The following CBLN4 variants were observed in gnomAD, a reference collection of about 807,000 sequenced individuals.
CBLN4 encodes the protein cerebellin 4 precursor.
Under a neutral mutation model 14.9 loss-of-function variants are expected in CBLN4, and 7 were observed. The ratio of observed to expected loss-of-function variants is 0.47; its 90% CI spans 0.27 to 0.88. The LOEUF (loss-of-function observed/expected upper bound fraction) is 0.88, where lower values mean the gene tolerates loss of function less well. Ranked by LOEUF, CBLN4 falls within the 40% of genes least tolerant of loss-of-function variation. The pLI is 0.14. For missense variants in CBLN4, 188 were observed against 256.8 expected, an observed-to-expected ratio of 0.73 and a Z score of 1.83; for synonymous variants, 131 against 116.5, an observed-to-expected ratio of 1.12 and a Z score of -0.80.
chr20:56,004,274 G>C lies in CBLN4; in HGVS notation c.-103C>G. The C allele has an allele frequency of 3.3e-6, 4 of 1,225,488 alleles. No individual in the cohort carries two copies. The highest frequency in any genetic ancestry group is 3.0e-5 in the East Asian group (1 of 32,962). 75.9% of individuals were successfully genotyped at this position (1,225,488 alleles called of 1,614,324 possible). A position where few individuals can be genotyped will look rare whatever the true frequency, so the allele number is the denominator to read the frequency against. The stretch of plus-strand genomic sequence containing the variant: ...TCGGGAAGATGCTAGCGGCTAGGTC[G>C]ACAGCGCTGCAGGAGCGACGGCGGC... On this transcript the variant is annotated 5_prime_UTR_variant, in exon 1 of 3. Coordinates refer to ENST00000064571, the MANE Select transcript of CBLN4 (RefSeq NM_080617.6). This position sits in a 1 kb window ranked among gnomAD's most constrained non-coding sequence, Gnocchi z 6.1.
chr20:55,999,979 C>T (rs946890749), intron 2 of CBLN4, among the ~76,000 whole-genome samples: 2 of 152,284 alleles, frequency 1.3e-5, no homozygotes, highest in South Asian at 4.2e-4. Context: ...ATCTATCATT[C>T]ATATTGACAT....
chr20:56,004,220 C>T lies in CBLN4; in HGVS notation c.-49G>A. Reference sequence around the variant, plus strand: ...GCCGGCTGGCGCTGGTGCTCGCCCGCGTCGCCTCCTACCCCGGGATCCCGG... The same window carrying T: ...GCCGGCTGGCGCTGGTGCTCGCCCGTGTCGCCTCCTACCCCGGGATCCCGG... On this transcript the variant is annotated 5_prime_UTR_variant, in exon 1 of 3. Transcript: ENST00000064571. The surrounding 1 kb of genome is among the most constrained non-coding windows in gnomAD (Gnocchi z 6.1). 7.3e-7 allele frequency: 1 copy of T among 1,365,754 alleles called. No individual in the cohort carries two copies. Among genetic ancestry groups the T allele is most frequent in the Non-Finnish European group, 9.4e-7 (1 of 1,065,768 alleles). The allele number at this position is 1,365,754 out of a possible 1,614,324, so 84.6% of individuals were successfully genotyped here. A position where few individuals can be genotyped will look rare whatever the true frequency, so the allele number is the denominator to read the frequency against.
Position 56,004,131 on chromosome 20 carries a change from A to G in CBLN4, c.41T>C (p.Val14Ala). The stretch of plus-strand genomic sequence containing the variant: ...CCCCGGCAGCGTGAGGACCAGCAGC[A>G]CGGCCGGCACCGCGGACAGCGCCCG... ...GRRALSAVPA[V>A]LLVLTLPGLP... Residue 14 changes from valine to alanine, a missense_variant, in exon 1 of 3, where the codon GTG (valine) becomes GCG (alanine). Val to Ala is a moderately conservative substitution (Grantham distance 64, BLOSUM62 0). This residue lies in a region of CBLN4 where 95 missense variants were observed against 99.2 expected (regional missense o/e 0.96). Coordinates refer to ENST00000064571, the MANE Select transcript of CBLN4 (RefSeq NM_080617.6). This position sits in a 1 kb window ranked among gnomAD's most constrained non-coding sequence, Gnocchi z 6.1. The G allele has an allele frequency of 6.3e-7, 1 of 1,582,656 alleles. No homozygotes were observed.
rs1462138910 is a variant in CBLN4, at chr20:56,003,251, T to C, written c.291+630A>G. Among the ~76,000 whole-genome samples the C allele has an allele frequency of 3.3e-5, 5 of 152,224 alleles. No homozygotes were observed. The East Asian group carries it at 9.7e-4, about 30-fold the overall frequency. ...CCCTCCTCCGCAACTTTTCTCTAAGTACCGGAGAAGGGCTTGCTGCCTACT... is the reference window on the plus strand; with the variant it reads ...CCCTCCTCCGCAACTTTTCTCTAAGCACCGGAGAAGGGCTTGCTGCCTACT... On this transcript the variant is annotated intron_variant, in intron 1 of 2. Transcript: ENST00000064571.
At chr20:56,000,629 C>A in intron 2 of CBLN4, 102 bp downstream of exon 2, 2 of 507,456 alleles carry the variant, frequency 3.9e-6, no homozygotes, top group South Asian at 1.2e-4. Context: ...CTGCTTATTT[C>A]TATTGTGGAA....
intron 1 of CBLN4, among the ~76,000 whole-genome samples, chr20:56,002,184 A>C (rs181334903): frequency 6.6e-6 from 1 of 152,314 alleles, no homozygotes; most frequent in Admixed American, 6.5e-5. Flanking sequence ...TTTCATTCTG[A>C]GATTTCGCCT....
rs145077427 is a variant in CBLN4 at position 56,002,462 on chromosome 20, G to A, written c.291+1419C>T. Among the ~76,000 whole-genome samples the A allele has an allele frequency of 4.9e-4, 75 of 152,306 alleles. 1 individual carries two copies. The highest frequency in any genetic ancestry group is 1.6e-3 in the African/African-American group (66 of 41,568). ...TGTAATTGGAGCATCCAGGTACATC[G>A]AGATTTATAACCAAATGTGTGTTCT... On this transcript the variant is annotated intron_variant, in intron 1 of 2. Coordinates refer to ENST00000064571, the MANE Select transcript of CBLN4 (RefSeq NM_080617.6).
chr20:56,000,702 G>A, intron 2 of CBLN4, 29 bp downstream of exon 2: 3 of 1,169,882 alleles, frequency 2.6e-6, no homozygotes, highest in Non-Finnish European at 2.4e-6. Context: ...TTGGTTGAGA[G>A]TATGGATGGA....
At chr20:56,003,623 G>A (rs950476941) in intron 1 of CBLN4, among the ~76,000 whole-genome samples, 6 of 152,148 alleles carry the variant, frequency 3.9e-5, no homozygotes, top group Non-Finnish European at 7.4e-5. Flanking sequence ...CTCGCTGCCG[G>A]GCTCTGGGCT....
Position 56,004,406 on chromosome 20 carries a change from C to CGAGAT in CBLN4, c.-236_-235insATCTC. ...GTCCTTTAAGGAGCTCATGCAGCACCCTTTACCCTACTCTCCTCCGCCCAA... is the reference window on the plus strand; with the variant it reads ...GTCCTTTAAGGAGCTCATGCAGCACCGAGATCTTTACCCTACTCTCCTCCGCCCAA... On this transcript the variant is annotated 5_prime_UTR_variant, in exon 1 of 3. It removes the in-frame stop codon of an upstream open reading frame in the 5' UTR. Coordinates refer to ENST00000064571, the MANE Select transcript of CBLN4 (RefSeq NM_080617.6). This position sits in a 1 kb window ranked among gnomAD's most constrained non-coding sequence, Gnocchi z 6.1. 1 of 458,862 alleles carries CGAGAT rather than the reference C, an allele frequency of 2.2e-6. No individual in the cohort carries two copies. Among genetic ancestry groups the CGAGAT allele is most frequent in the Non-Finnish European group, 3.8e-6 (1 of 266,274 alleles). 28.4% of individuals were successfully genotyped at this position (458,862 alleles called of 1,614,324 possible).
At chr20:56,003,407 G>A (rs1986407811) in intron 1 of CBLN4, among the ~76,000 whole-genome samples, 3 of 152,246 alleles carry the variant, frequency 2.0e-5, no homozygotes, top group South Asian at 4.1e-4. Flanking sequence ...GAAGCCCGGG[G>A]CTCTCTTGGG....
At position 55,998,569 on chromosome 20, in the gene CBLN4, C is replaced by T. The variant is rs1211728227; in HGVS notation, c.594G>A (p.Val198=). Residue 198 remains valine (V), a synonymous_variant, in exon 3 of 3, where the codon GTG becomes GTA. Transcript: ENST00000064571. ...WQYSTFSGFL[V]FPL ...GAGAAATTGAATCCTATAGGGGGAA[C>T]ACCAGAAAGCCAGAAAACGTGGAAT... 6.2e-7 allele frequency: 1 copy of T among 1,614,056 alleles called. No individual in the cohort carries two copies. Among genetic ancestry groups the T allele is most frequent in the Non-Finnish European group, 8.5e-7 (1 of 1,179,952 alleles).
At chr20:56,002,165 C>T (rs576360844) in intron 1 of CBLN4, among the ~76,000 whole-genome samples, 9 of 152,236 alleles carry the variant, frequency 5.9e-5, no homozygotes, top group South Asian at 2.1e-4. Flanking sequence ...AACACATGTA[C>T]GTGTATAATT....
Position 55,997,652 on chromosome 20 carries a change from G to T in CBLN4, c.*905C>A, listed in dbSNP as rs1429822106. On this transcript the variant is annotated 3_prime_UTR_variant, in exon 3 of 3. Coordinates refer to ENST00000064571, the MANE Select transcript of CBLN4 (RefSeq NM_080617.6). ...AAGCCTTGAAAAATAGGTATAATTA[G>T]AAACAACAGCATCCCACCACCAGTT... The T allele has an allele frequency of 6.6e-6, 1 of 150,646 alleles. No individual in the cohort carries two copies. The highest frequency in any genetic ancestry group is 6.6e-5 in the Admixed American group (1 of 15,164). The allele number at this position is 150,646 out of a possible 1,614,324, so 9.3% of individuals were successfully genotyped here.
At position 55,997,829 on chromosome 20, in the gene CBLN4, G is replaced by T. The variant is rs542826578; in HGVS notation, c.*728C>A. Reference sequence around the variant, plus strand: ...CTGAGGCTCAGGGATTGAGCACTTAGATTTTGGGTAAGCAACTTTTTCCTT... The same window carrying T: ...CTGAGGCTCAGGGATTGAGCACTTATATTTTGGGTAAGCAACTTTTTCCTT... On this transcript the variant is annotated 3_prime_UTR_variant, in exon 3 of 3. Transcript: ENST00000064571. The T allele has an allele frequency of 6.5e-6, 1 of 152,738 alleles. No homozygotes were observed. Among genetic ancestry groups the T allele is most frequent in the Non-Finnish European group, 1.5e-5 (1 of 68,012 alleles). The allele number at this position is 152,738 out of a possible 1,614,324, so 9.5% of individuals were successfully genotyped here.
chr20:56,003,708 G>A (rs1986413501), intron 1 of CBLN4, among the ~76,000 whole-genome samples, 173 bp downstream of exon 1: 1 of 152,198 alleles, frequency 6.6e-6, no homozygotes, highest in Admixed American at 6.5e-5. Flanking sequence ...GCTGGTGAGA[G>A]GGGTAGGAAG....
At position 56,000,844 on chromosome 20, in the gene CBLN4, G is replaced by T; in HGVS notation, c.295C>A (p.Leu99Met). The T allele has an allele frequency of 6.7e-7, 1 of 1,488,440 alleles. No individual in the cohort carries two copies. Among genetic ancestry groups the T allele is most frequent in the Non-Finnish European group, 9.1e-7 (1 of 1,099,566 alleles). The allele number at this position is 1,488,440 out of a possible 1,614,324, so 92.2% of individuals were successfully genotyped here. A position where few individuals can be genotyped will look rare whatever the true frequency, so the allele number is the denominator to read the frequency against. ...GTGAAAAAATTACCCACATTCACCA[G>T]GATCTACAAATAAAAATAATAAATA... Reference protein sequence around the residue: ...KTRIIYFDQILVNVGNFFTLE... With the variant: ...KTRIIYFDQIMVNVGNFFTLE... Residue 99 changes from leucine to methionine, a missense_variant, in exon 2 of 3, where the codon CTG becomes ATG. Physicochemically the swap from Leu to Met is conservative, Grantham distance 15 (BLOSUM62 2). Around this residue, in one of 2 missense-constraint regions of CBLN4, gnomAD observed 93 missense variants for 157.7 expected, o/e 0.59. Coordinates refer to ENST00000064571, the MANE Select transcript of CBLN4 (RefSeq NM_080617.6).
At position 56,004,292 on chromosome 20, in the gene CBLN4, A is replaced by G. The variant is rs1175806858; in HGVS notation, c.-121T>C. 4 of 1,045,068 alleles carry G rather than the reference A, an allele frequency of 3.8e-6. No individual in the cohort carries two copies. Among genetic ancestry groups the G allele is most frequent in the African/African-American group, 3.4e-5 (2 of 58,686 alleles). 64.7% of individuals were successfully genotyped at this position (1,045,068 alleles called of 1,614,324 possible). On this transcript the variant is annotated 5_prime_UTR_variant, in exon 1 of 3. Transcript: ENST00000064571. The surrounding 1 kb of genome is among the most constrained non-coding windows in gnomAD (Gnocchi z 6.1). ...CTAGGTCGACAGCGCTGCAGGAGCGACGGCGGCGGCGGCGCGCACACTTCC... is the reference window on the plus strand; with the variant it reads ...CTAGGTCGACAGCGCTGCAGGAGCGGCGGCGGCGGCGGCGCGCACACTTCC...
rs968423943 is a variant in CBLN4 at position 56,000,798 on chromosome 20, G to A, written c.341C>T (p.Ala114Val). ...NFFTLESVFV[A>V]PRKGIYSFSF... ...GAAACTGTAAATTCCTTTTCTTGGT[G>A]CTACAAAGACAGACTCCAATGTGAA... Residue 114 changes from alanine (A) to valine (V), a missense_variant, in exon 2 of 3, where the codon GCA becomes GTA. This residue lies in a region of CBLN4 where 93 missense variants were observed against 157.7 expected (regional missense o/e 0.59). Coordinates refer to ENST00000064571, the MANE Select transcript of CBLN4 (RefSeq NM_080617.6). The A allele has an allele frequency of 6.2e-7, 1 of 1,601,436 alleles. No individual in the cohort carries two copies. Among genetic ancestry groups the A allele is most frequent in the Non-Finnish European group, 8.5e-7 (1 of 1,174,270 alleles).
Sources: gnomAD v4.1 joint callset for allele counts (sites outside exome capture counted in the v4.1 genomes callset) on GRCh38, gnomAD v4.1.1 for gene constraint, gnomAD v4.1.1 regional missense constraint, Gnocchi (gnomAD v3.1) non-coding constraint, MANE v1.5 for transcripts, NCBI Gene and HGNC (gene_info 2026-07-23, HGNC 2026-07-21) for gene names.